Variants in COL4A3 observed in about 807,000 individuals in gnomAD.
COL4A3 encodes collagen type IV alpha 3 chain, also known as collagen alpha-3(IV) chain.
COL4A3 carries 135 observed loss-of-function variants against 217.4 expected under a neutral mutation model. That is an observed-to-expected ratio of 0.62 (90% confidence interval 0.54 to 0.72). The LOEUF is 0.72. Among genes scored for constraint, COL4A3 ranks in the 30% least tolerant of loss-of-function variants. The pLI, the probability that COL4A3 is intolerant of heterozygous loss-of-function variation, is 0.00. For synonymous variants in COL4A3, 690 were observed against 736.3 expected (o/e 0.94, Z 1.02); for missense variants, 1,868 against 2,119.9 (o/e 0.88, Z 2.33).
chr2:227,198,498 T>A (rs1453302628), intron 1 of COL4A3, among the ~76,000 whole-genome samples: 1 of 151,358 alleles, frequency 6.6e-6, no homozygotes, highest in Non-Finnish European at 1.5e-5. Context: ...CCTTATGTTA[T>A]CACTTCAAAT....
intron 1 of COL4A3, among the ~76,000 whole-genome samples, chr2:227,168,682 A>T (rs80345450): frequency 0.049 from 7,485 of 151,344 alleles, 226 homozygotes; most frequent in Admixed American, 0.087. Context: ...CCTTGTCAAA[A>T]TTTTTTTTTC....
chr2:227,220,165 T>TGTGTGTG (rs58155070), intron 1 of COL4A3, among the ~76,000 whole-genome samples: 2 of 147,240 alleles, frequency 1.4e-5, no homozygotes, highest in South Asian at 2.2e-4. Context: ...TGTGTGTGTG[T>TGTGTGTG]TTCAGAGACA....
Position 227,253,347 on chromosome 2 carries a change from A to G in COL4A3, c.687+10A>G, listed in dbSNP as rs1574698574. On this transcript the variant is annotated intron_variant, in intron 12 of 51. Transcript: ENST00000396578. The surrounding 1 kb of genome is among the most constrained non-coding windows in gnomAD (Gnocchi z 4.4). ...ACATAAAGGAGAGCGGGTAATTTAAATACTATGTTTTATTAGCAGGCGAGA... is the reference window on the plus strand; with the variant it reads ...ACATAAAGGAGAGCGGGTAATTTAAGTACTATGTTTTATTAGCAGGCGAGA... The G allele has an allele frequency of 1.2e-6, 2 of 1,613,348 alleles. No homozygotes were observed. The highest frequency in any genetic ancestry group is 1.7e-6 in the Non-Finnish European group (2 of 1,179,244).
chr2:227,276,267 A>G, intron 26 of COL4A3, 118 bp from the exon 27 acceptor site: 1 of 777,170 alleles, frequency 1.3e-6, no homozygotes, highest in Admixed American at 2.0e-5. Context: ...GTGAAAACAG[A>G]GGTTATTTTT....
intron 1 of COL4A3, among the ~76,000 whole-genome samples, chr2:227,165,458 T>G (rs1025865746): frequency 2.0e-5 from 3 of 152,236 alleles, no homozygotes; most frequent in Non-Finnish European, 4.4e-5. Flanking sequence ...ACTTGGAATT[T>G]GAGTGAAACT....
rs1204172430 is a variant in COL4A3, at chr2:227,282,463, C to T, written c.2587C>T (p.His863Tyr). The T allele has an allele frequency of 6.2e-7, 1 of 1,613,712 alleles. No homozygotes were observed. Among genetic ancestry groups the T allele is most frequent in the South Asian group, 1.1e-5 (1 of 91,070 alleles). The change falls in exon 32 of 52, where the codon CAT becomes TAT. Residue 863 changes from histidine (H) to tyrosine (Y), a missense_variant. Transcript: ENST00000396578. This position sits in a 1 kb window ranked among gnomAD's most constrained non-coding sequence, Gnocchi z 4.4. ...AACTGGATCACCAGGAATTCCAGGT[C>T]ATCAAGGTGAAATGGGACCACTGGG... Reference protein sequence around the residue: ...GETGSPGIPGHQGEMGPLGQR... With the variant: ...GETGSPGIPGYQGEMGPLGQR...
At chr2:227,259,440 T>G (rs547775039) in intron 18 of COL4A3, among the ~76,000 whole-genome samples, 2 of 152,348 alleles carry the variant, frequency 1.3e-5, no homozygotes, top group East Asian at 3.9e-4. Flanking sequence ...GTTGTAATAA[T>G]AAGTCATTAT....
chr2:227,266,838 A>T (rs1035833486), intron 22 of COL4A3, among the ~76,000 whole-genome samples, 155 bp from the exon 23 acceptor site: 1 of 152,256 alleles, frequency 6.6e-6, no homozygotes, highest in African/African-American at 2.4e-5. Context: ...ATCTATAATA[A>T]ATGAATTTTT....
At chr2:227,260,400 T>C (rs1437392682) in intron 19 of COL4A3, among the ~76,000 whole-genome samples, 1 of 152,200 alleles carries the variant, frequency 6.6e-6, no homozygotes, top group East Asian at 1.9e-4. Flanking sequence ...ACTTCTATAA[T>C]GGCCTCGTCA....
chr2:227,270,175 T>C (rs193090796), intron 24 of COL4A3, among the ~76,000 whole-genome samples, 195 bp downstream of exon 24: 57 of 152,320 alleles, frequency 3.7e-4, no homozygotes, highest in Admixed American at 3.7e-3. Flanking sequence ...TGAAATGGTA[T>C]CAGAAACAGA....
intron 1 of COL4A3, among the ~76,000 whole-genome samples, chr2:227,208,666 G>A (rs959109071): frequency 2.6e-5 from 4 of 151,878 alleles, no homozygotes; most frequent in African/African-American, 7.3e-5. Context: ...CTGCACAGCC[G>A]GCTCTGCGTG....
chr2:227,227,469 A>T (rs192562141), intron 1 of COL4A3, among the ~76,000 whole-genome samples: 2 of 152,242 alleles, frequency 1.3e-5, no homozygotes, highest in African/African-American at 4.8e-5. Context: ...CAGAGGTTGC[A>T]GTCAGCCAAT....
chr2:227,185,209 C>T (rs1042465333), intron 1 of COL4A3, among the ~76,000 whole-genome samples: 1 of 152,118 alleles, frequency 6.6e-6, no homozygotes, highest in Non-Finnish European at 1.5e-5. Flanking sequence ...CCTCACTGGA[C>T]TTTTGGCATT....
At position 227,297,596 on chromosome 2, in the gene COL4A3, A is replaced by G. The variant is rs968541853; in HGVS notation, c.3566-78A>G. The stretch of plus-strand genomic sequence containing the variant: ...CTGAACACTTTTAAGCAAAGTACCT[A>G]CATTATTAAAGATAGTCAAGAACTC... On this transcript the variant is annotated intron_variant, in intron 41 of 51. Transcript: ENST00000396578. The G allele has an allele frequency of 5.3e-5, 72 of 1,347,882 alleles. No homozygotes were observed. The African/African-American group carries it at 9.0e-4, about 17-fold the overall frequency. The allele number at this position is 1,347,882 out of a possible 1,614,324, so 83.5% of individuals were successfully genotyped here. A position where few individuals can be genotyped will look rare whatever the true frequency, so the allele number is the denominator to read the frequency against.
intron 28 of COL4A3, among the ~76,000 whole-genome samples, chr2:227,278,697 C>T (rs542608535): frequency 2.6e-5 from 4 of 152,242 alleles, no homozygotes; most frequent in South Asian, 4.2e-4. Context: ...AAATTACATC[C>T]CTACTTTGTA....
chr2:227,256,071 G>T lies in COL4A3; in HGVS notation c.933+1G>T. ...TGTTCCTGGCTTCCCTGGAAGTGAG[G>T]TATAGAGTTGATTTGGCCTATGGAG... On this transcript the variant is annotated splice_donor_variant, in intron 16 of 51. Transcript: ENST00000396578. LOFTEE classifies it high-confidence loss of function. The T allele has an allele frequency of 1.9e-6, 3 of 1,613,858 alleles. No individual in the cohort carries two copies. The highest frequency in any genetic ancestry group is 2.5e-6 in the Non-Finnish European group (3 of 1,179,814).
chr2:227,298,948 CG>C, intron 43 of COL4A3, 136 bp downstream of exon 43: 1 of 840,422 alleles, frequency 1.2e-6, no homozygotes, highest in African/African-American at 1.7e-5. Context: ...AAGACATACC[CG>C]AGACTGGGTA....
chr2:227,259,627 C>A, intron 18 of COL4A3, 166 bp from the exon 19 acceptor site: 1 of 603,146 alleles, frequency 1.7e-6, no homozygotes. Flanking sequence ...AATTTTTCCA[C>A]CTACATTTAC....
intron 1 of COL4A3, among the ~76,000 whole-genome samples, chr2:227,178,188 G>A (rs767207345): frequency 1.3e-5 from 2 of 152,060 alleles, no homozygotes; most frequent in Admixed American, 1.3e-4. Flanking sequence ...TTCAAGATCA[G>A]CCTGGGTAAT....
Sources: allele counts gnomAD v4.1 joint callset (sites outside exome capture counted in the v4.1 genomes callset), GRCh38; gene constraint gnomAD v4.1.1; non-coding constraint Gnocchi (gnomAD v3.1); transcripts MANE v1.5; gene names NCBI Gene and HGNC (gene_info 2026-07-23, HGNC 2026-07-21).